The following NDUFS5 variants were observed in gnomAD, a reference collection of about 807,000 sequenced individuals.
The protein encoded by NDUFS5 is NADH:ubiquinone oxidoreductase subunit S5, also known as NADH dehydrogenase [ubiquinone] iron-sulfur protein 5.
Under a neutral mutation model 10.5 loss-of-function variants are expected in NDUFS5, and 7 were observed. That is an observed-to-expected ratio of 0.66 (90% CI 0.38 to 1.25). NDUFS5 has a LOEUF of 1.25. Ranked by LOEUF, NDUFS5 falls within the 50% of genes most tolerant of loss-of-function variation. The pLI, the probability that NDUFS5 is intolerant of heterozygous loss-of-function variation, is 0.02. For synonymous variants in NDUFS5, 38 were observed against 44.0 expected (o/e 0.86, Z 0.54); for missense variants, 148 against 140.7 (o/e 1.05, Z -0.26).
chr1:39,026,383 A>G lies in NDUFS5; in HGVS notation c.-22A>G, dbSNP rs896421382. 1 of 152,210 alleles carries G rather than the reference A, an allele frequency of 6.6e-6. No homozygotes were observed. The highest frequency in any genetic ancestry group is 1.5e-5 in the Non-Finnish European group (1 of 68,096). 9.4% of individuals were successfully genotyped at this position (152,210 alleles called of 1,614,324 possible). On this transcript the variant is annotated 5_prime_UTR_variant, in exon 1 of 3. Transcript: ENST00000372969. ...TGAAGCGGCGGCCAGAGAAGAGTCAAGGGCACGAGCATCGGGTAGGTAGGG... is the reference window on the plus strand; with the variant it reads ...TGAAGCGGCGGCCAGAGAAGAGTCAGGGGCACGAGCATCGGGTAGGTAGGG...
rs544411665 is a variant in NDUFS5 at position 39,034,568 on chromosome 1, C to A, written c.*72C>A. On this transcript the variant is annotated 3_prime_UTR_variant, in exon 3 of 3. Transcript: ENST00000372969. ...TCTCCACTGGAAAGGTTGTTTACGA[C>A]AAACCTCCTTGTCAAAGTGTGTAAA... 1.7e-5 allele frequency: 21 copies of A among 1,246,932 alleles called. No individual in the cohort carries two copies. The African/African-American group carries it at 3.0e-4, about 18-fold the overall frequency. 77.2% of individuals were successfully genotyped at this position (1,246,932 alleles called of 1,614,324 possible).
intron 2 of NDUFS5, among the ~76,000 whole-genome samples, chr1:39,029,844 G>A (rs1305669716): frequency 1.3e-5 from 2 of 152,148 alleles, no homozygotes; most frequent in Non-Finnish European, 2.9e-5. Context: ...TGTAATCCCA[G>A]GACTTTGGGA....
At chr1:39,030,861 G>A (rs961569249) in intron 2 of NDUFS5, among the ~76,000 whole-genome samples, 6 of 152,124 alleles carry the variant, frequency 3.9e-5, no homozygotes, top group Non-Finnish European at 8.8e-5. Flanking sequence ...CTCATTTGTT[G>A]TTGGTTGATT....
intron 2 of NDUFS5, among the ~76,000 whole-genome samples, chr1:39,030,529 A>AC (rs1201170538): frequency 6.6e-6 from 1 of 152,006 alleles, no homozygotes; most frequent in Non-Finnish European, 1.5e-5. Context: ...ACATGGTGAA[A>AC]CCCCGTCTGT....
In NDUFS5 at chr1:39,034,387, G is replaced by C; in HGVS notation, c.217-5G>C. The C allele has an allele frequency of 6.2e-7, 1 of 1,612,266 alleles. No homozygotes were observed. The highest frequency in any genetic ancestry group is 1.1e-5 in the South Asian group (1 of 90,996). ...CTCAGTTTAATTACCATTTTCCTTTGACAGATGAGACGTGCAGGTACCATC... is the reference window on the plus strand; with the variant it reads ...CTCAGTTTAATTACCATTTTCCTTTCACAGATGAGACGTGCAGGTACCATC... On this transcript the variant is annotated splice_polypyrimidine_tract_variant and splice_region_variant and intron_variant, in intron 2 of 2. Transcript: ENST00000372969.
chr1:39,033,348 C>T lies in NDUFS5; in HGVS notation c.217-1044C>T, dbSNP rs370798431. Among the ~76,000 whole-genome samples the T allele has an allele frequency of 6.3e-4, 96 of 151,632 alleles. 4 individuals carry two copies. In the South Asian group the frequency reaches 0.018, roughly 28 times the overall value. Reference sequence around the variant, plus strand: ...CAGCACTTTGGGAGGCCGAGGCTGGCGGATCACGAGGTCAGGAGATCGAGA... The same window carrying T: ...CAGCACTTTGGGAGGCCGAGGCTGGTGGATCACGAGGTCAGGAGATCGAGA... On this transcript the variant is annotated intron_variant, in intron 2 of 2. Coordinates refer to ENST00000372969, the MANE Select transcript of NDUFS5 (RefSeq NM_004552.3).
At chr1:39,028,385 T>C (rs564310759) in intron 1 of NDUFS5, among the ~76,000 whole-genome samples, 1 of 152,006 alleles carries the variant, frequency 6.6e-6, no homozygotes, top group Non-Finnish European at 1.5e-5. Flanking sequence ...TGAGCCAAGA[T>C]TGCACCATGC....
chr1:39,028,467 G>C (rs1176258274), intron 1 of NDUFS5, among the ~76,000 whole-genome samples: 1 of 151,986 alleles, frequency 6.6e-6, no homozygotes, highest in Non-Finnish European at 1.5e-5. Context: ...ACCGAGAAAG[G>C]ATTTCTATGC....
intron 1 of NDUFS5, among the ~76,000 whole-genome samples, chr1:39,027,268 C>T (rs1194743550): frequency 6.6e-6 from 1 of 152,078 alleles, no homozygotes; most frequent in Non-Finnish European, 1.5e-5. Flanking sequence ...GAGAGGGTTT[C>T]GCCATGTTGG....
intron 2 of NDUFS5, among the ~76,000 whole-genome samples, chr1:39,033,594 C>T (rs577510462): frequency 4.8e-5 from 7 of 145,166 alleles, no homozygotes; most frequent in African/African-American, 7.5e-5. Flanking sequence ...CTCCGCCTCC[C>T]GGGTTCAAGC....
Position 39,034,402 on chromosome 1 carries a change from C to T in NDUFS5, c.227C>T (p.Ala76Val), listed in dbSNP as rs769430337. 6.2e-7 allele frequency: 1 copy of T among 1,612,958 alleles called. No homozygotes were observed. Among genetic ancestry groups the T allele is most frequent in the Non-Finnish European group, 8.5e-7 (1 of 1,179,286 alleles). ...CLLRQKTMRRAGTIRKQRDKL... is the reference protein window; with the variant it reads ...CLLRQKTMRRVGTIRKQRDKL... ...ATTTTCCTTTGACAGATGAGACGTG[C>T]AGGTACCATCAGGAAGCAGCGGGAT... The change falls in exon 3 of 3, where the codon GCA becomes GTA. Residue 76 changes from alanine to valine, a missense_variant. Physicochemically the swap from Ala to Val is moderately conservative, Grantham distance 64. Coordinates refer to ENST00000372969, the MANE Select transcript of NDUFS5 (RefSeq NM_004552.3).
At chr1:39,033,551 G>T (rs1361364226) in intron 2 of NDUFS5, among the ~76,000 whole-genome samples, 1 of 145,998 alleles carries the variant, frequency 6.8e-6, no homozygotes, top group Non-Finnish European at 1.5e-5. Context: ...ACCCAGGCTG[G>T]AGTACAGTAG....
intron 2 of NDUFS5, among the ~76,000 whole-genome samples, chr1:39,033,557 A>G (rs1644207234): frequency 7.0e-6 from 1 of 141,938 alleles, no homozygotes; most frequent in South Asian, 2.6e-4. Flanking sequence ...GCTGGAGTAC[A>G]GTAGCGCGAT....
chr1:39,027,814 C>CTTTTT (rs1157906500), intron 1 of NDUFS5, among the ~76,000 whole-genome samples: 1 of 35,544 alleles, frequency 2.8e-5, no homozygotes, highest in African/African-American at 9.5e-5. Context: ...TCTTCTTCTT[C>CTTTTT]TTTTTTTTTT....
chr1:39,030,027 G>T (rs1644178626), intron 2 of NDUFS5, among the ~76,000 whole-genome samples: 1 of 151,832 alleles, frequency 6.6e-6, no homozygotes, highest in South Asian at 2.1e-4. Flanking sequence ...GGAGGCGGAG[G>T]TTGCATGGAG....
intron 1 of NDUFS5, among the ~76,000 whole-genome samples, chr1:39,028,396 G>A (rs569757834): frequency 2.6e-5 from 4 of 152,030 alleles, no homozygotes; most frequent in South Asian, 2.1e-4. Flanking sequence ...TGCACCATGC[G>A]CTGCAGCCTG....
chr1:39,027,984 ATTT>A (rs1328423821), intron 1 of NDUFS5, among the ~76,000 whole-genome samples: 15 of 147,984 alleles, frequency 1.0e-4, no homozygotes, highest in African/African-American at 3.7e-4. Flanking sequence ...CGCCCAGCTA[ATTT>A]TTTTGTATTT....
chr1:39,027,429 G>A (rs1012434919), intron 1 of NDUFS5, among the ~76,000 whole-genome samples: 5 of 152,014 alleles, frequency 3.3e-5, no homozygotes, highest in East Asian at 1.9e-4. Context: ...GTGGGTGTGC[G>A]CGCGCTTCCT....
chr1:39,027,814 CTTTTTTTTTTT>C (rs1157906500), intron 1 of NDUFS5, among the ~76,000 whole-genome samples: 923 of 35,576 alleles, frequency 0.026, 23 homozygotes, highest in African/African-American at 0.083. Flanking sequence ...TCTTCTTCTT[CTTTTTTTTTTT>C]TTTTTTTTTT....
Sources: gnomAD v4.1 joint callset for allele counts (sites outside exome capture counted in the v4.1 genomes callset) on GRCh38, gnomAD v4.1.1 for gene constraint, MANE v1.5 for transcripts, NCBI Gene and HGNC (gene_info 2026-07-23, HGNC 2026-07-21) for gene names.